Variants in PLCL1 observed in about 807,000 individuals in gnomAD.
PLCL1 encodes inactive phospholipase C-like protein 1.
In PLCL1, 41 loss-of-function variants were observed where a neutral mutation model predicts 84.4. The observed-to-expected ratio is 0.49, with a 90% CI of 0.38 to 0.63. PLCL1 has a LOEUF of 0.63. Ranked by LOEUF, PLCL1 falls within the 30% of genes least tolerant of loss-of-function variation. The pLI is 0.00. For missense variants in PLCL1, 1,206 were observed against 1,367.8 expected (o/e 0.88, Z 1.87); for synonymous variants, 490 against 488.3 (o/e 1.00, Z -0.05).
intron 1 of PLCL1, among the ~76,000 whole-genome samples, chr2:198,077,310 T>G (rs975793148): frequency 6.6e-6 from 1 of 152,072 alleles, no homozygotes; most frequent in African/African-American, 2.4e-5. Context: ...GTTGTGCACA[T>G]GTACCCTAAA....
intron 1 of PLCL1, among the ~76,000 whole-genome samples, chr2:197,882,300 C>A (rs1211730172): frequency 6.6e-6 from 1 of 152,070 alleles, no homozygotes; most frequent in Admixed American, 6.6e-5. Flanking sequence ...CAAAAAAAGG[C>A]ATGCAACCCT....
chr2:198,134,779 C>T lies in PLCL1; in HGVS notation c.3106-12001C>T, dbSNP rs529409170. Among the ~76,000 whole-genome samples the T allele has an allele frequency of 4.6e-5, 7 of 152,258 alleles. No homozygotes were observed. In the East Asian group the frequency reaches 1.2e-3, roughly 25 times the overall value. On this transcript the variant is annotated intron_variant, in intron 5 of 5. Coordinates refer to ENST00000428675, the MANE Select transcript of PLCL1 (RefSeq NM_006226.4). ...ATTGTGCCCTTGGAATTGTGTAACA[C>T]GGGACAGATGTCATGAAAAACAATT...
chr2:197,936,191 G>A (rs957491577), intron 1 of PLCL1, among the ~76,000 whole-genome samples: 16 of 144,154 alleles, frequency 1.1e-4, no homozygotes, highest in African/African-American at 3.3e-4. Flanking sequence ...GGTTGATACC[G>A]CATCTTAGCT....
intron 1 of PLCL1, among the ~76,000 whole-genome samples, chr2:197,841,459 C>T (rs1439288845): frequency 1.3e-5 from 2 of 152,192 alleles, no homozygotes; most frequent in East Asian, 1.9e-4. Flanking sequence ...TAGTTGGACT[C>T]AACTATGTAT....
intron 1 of PLCL1, among the ~76,000 whole-genome samples, chr2:197,815,726 C>T (rs530595546): frequency 6.6e-6 from 1 of 152,120 alleles, no homozygotes; most frequent in South Asian, 2.1e-4. Context: ...AAGTTGATTC[C>T]AACCTCATGG....
At chr2:198,036,690 G>A (rs1691557690) in intron 1 of PLCL1, among the ~76,000 whole-genome samples, 1 of 152,124 alleles carries the variant, frequency 6.6e-6, no homozygotes, top group Admixed American at 6.6e-5. Flanking sequence ...CATCAAAAGA[G>A]GTTTGAGCTG....
intron 1 of PLCL1, among the ~76,000 whole-genome samples, chr2:197,846,485 A>G (rs568346576): frequency 6.6e-6 from 1 of 152,268 alleles, no homozygotes; most frequent in South Asian, 2.1e-4. Context: ...AGGAAAATAT[A>G]TTTTAAAAGT....
rs180925619 is a variant in PLCL1 at position 197,944,109 on chromosome 2, C to T, written c.240+138770C>T. On this transcript the variant is annotated intron_variant, in intron 1 of 5. Coordinates refer to ENST00000428675, the MANE Select transcript of PLCL1 (RefSeq NM_006226.4). ...TGTAAAATGAATTCTTTAGAGTTTG[C>T]GTATCTGGGTAGATAGCTTGCATAG... 5.3e-5 allele frequency among the ~76,000 whole-genome samples: 8 copies of T among 152,234 alleles called. 1 individual carries two copies. The highest frequency in any genetic ancestry group is 6.5e-5 in the Admixed American group (1 of 15,292).
At chr2:197,819,884 ATGTGTGTGTGTGTG>A (rs57885218) in intron 1 of PLCL1, among the ~76,000 whole-genome samples, 2 of 140,572 alleles carry the variant, frequency 1.4e-5, no homozygotes, top group African/African-American at 2.6e-5. Context: ...ACTATTATGC[ATGTGTGTGTGTGTG>A]TGTGTGTGTG....
intron 1 of PLCL1, among the ~76,000 whole-genome samples, chr2:197,998,860 G>A (rs370416263): frequency 2.8e-4 from 42 of 152,250 alleles, no homozygotes; most frequent in East Asian, 2.3e-3. Context: ...CACACTCAAC[G>A]AAGGTGTGGG....
chr2:198,005,256 T>C (rs1690702626), intron 1 of PLCL1, among the ~76,000 whole-genome samples: 2 of 152,246 alleles, frequency 1.3e-5, no homozygotes, highest in South Asian at 4.1e-4. Flanking sequence ...TCTCCCTGCA[T>C]AGGCAATGAG....
Position 198,084,202 on chromosome 2 carries a change from C to G in PLCL1, c.685C>G (p.Leu229Val). 2.5e-6 allele frequency: 4 copies of G among 1,614,072 alleles called. No individual in the cohort carries two copies. Among genetic ancestry groups the G allele is most frequent in the Non-Finnish European group, 3.4e-6 (4 of 1,179,990 alleles). ...CCTGGTTTCTCGAAGTAAGCAGCCT[C>G]TTGATTTTATGGAGGGCAACCAGAA... ...RYLVSRSKQP[L>V]DFMEGNQNTP... Residue 229 changes from leucine (L) to valine (V), a missense_variant, in exon 2 of 6, where the codon CTT becomes GTT. Transcript: ENST00000428675.
chr2:198,133,295 A>G (rs896994395), intron 5 of PLCL1, among the ~76,000 whole-genome samples: 1 of 148,448 alleles, frequency 6.7e-6, no homozygotes, highest in African/African-American at 2.5e-5. Context: ...CAAACACCGC[A>G]TATTCTCACT....
At chr2:197,831,819 A>T (rs1250493425) in intron 1 of PLCL1, among the ~76,000 whole-genome samples, 1 of 152,188 alleles carries the variant, frequency 6.6e-6, no homozygotes, top group Non-Finnish European at 1.5e-5. Flanking sequence ...AGAAACAGTC[A>T]CGCAGACCAC....
At chr2:198,011,488 T>G (rs1690867279) in intron 1 of PLCL1, among the ~76,000 whole-genome samples, 1 of 152,124 alleles carries the variant, frequency 6.6e-6, no homozygotes, top group Admixed American at 6.6e-5. Flanking sequence ...TTTATATGAT[T>G]TCAATCTTCT....
At chr2:197,838,086 A>G (rs1691225837) in intron 1 of PLCL1, among the ~76,000 whole-genome samples, 1 of 152,236 alleles carries the variant, frequency 6.6e-6, no homozygotes, top group South Asian at 2.1e-4. Context: ...GTTAAGCTAA[A>G]GATGAAAATA....
At chr2:197,922,688 T>C (rs376702757) in intron 1 of PLCL1, among the ~76,000 whole-genome samples, 19,398 of 60,214 alleles carry the variant, frequency 0.32, 2,895 homozygotes, top group East Asian at 0.59. Context: ...GGCGGCTGGC[T>C]GGGCAGAGGG....
At chr2:198,112,439 T>C (rs1404052767) in intron 5 of PLCL1, among the ~76,000 whole-genome samples, 1 of 151,884 alleles carries the variant, frequency 6.6e-6, no homozygotes, top group African/African-American at 2.4e-5. Context: ...CTAGCTGCCA[T>C]TTCTTGATGG....
Position 198,085,422 on chromosome 2 carries a change from TAAG to T in PLCL1, c.1909_1911del (p.Lys637del). On this transcript the variant is annotated inframe_deletion, in exon 2 of 6. Coordinates refer to ENST00000428675, the MANE Select transcript of PLCL1 (RefSeq NM_006226.4). The surrounding 1 kb of genome is among the most constrained non-coding windows in gnomAD (Gnocchi z 5.3). ...ACCCAGAGGATTTTGTTAATTATAATAAGAAGTTCTTATCAAGAATCTATCCAA... is the reference window on the plus strand; with the variant it reads ...ACCCAGAGGATTTTGTTAATTATAATAAGTTCTTATCAAGAATCTATCCAA... 6.2e-7 allele frequency: 1 copy of T among 1,612,780 alleles called. No homozygotes were observed. Among genetic ancestry groups the T allele is most frequent in the African/African-American group, 1.3e-5 (1 of 75,026 alleles).
Sources: allele counts gnomAD v4.1 joint callset (sites outside exome capture counted in the v4.1 genomes callset), GRCh38; gene constraint gnomAD v4.1.1; non-coding constraint Gnocchi (gnomAD v3.1); transcripts MANE v1.5; gene names NCBI Gene and HGNC (gene_info 2026-07-23, HGNC 2026-07-21).